The following ZNF804B variants were observed in gnomAD, a reference collection of about 807,000 sequenced individuals.
The protein encoded by ZNF804B is zinc finger protein 804B.
A neutral mutation model predicts 101.4 loss-of-function variants in ZNF804B; 80 were observed. That is an observed-to-expected ratio of 0.79 (90% confidence interval 0.66 to 0.95). The LOEUF (loss-of-function observed/expected upper bound fraction) is 0.95. ZNF804B is among the 40% of genes least tolerant of loss of function. The pLI is 0.00. For missense variants in ZNF804B, 1,673 were observed against 1,561.9 expected (o/e 1.07, Z -1.20); for synonymous variants, 622 against 558.8 (o/e 1.11, Z -1.59).
chr7:88,937,277 G>T (rs1235124247), intron 1 of ZNF804B, among the ~76,000 whole-genome samples: 1 of 152,072 alleles, frequency 6.6e-6, no homozygotes, highest in Non-Finnish European at 1.5e-5. Context: ...CCGGCAACAG[G>T]ACTGTAGGCT....
intron 1 of ZNF804B, among the ~76,000 whole-genome samples, chr7:88,913,431 G>A (rs771737160): frequency 6.6e-6 from 1 of 152,092 alleles, no homozygotes; most frequent in Non-Finnish European, 1.5e-5. Flanking sequence ...TTTTGCTTTT[G>A]TTGCCCAAGC....
intron 2 of ZNF804B, among the ~76,000 whole-genome samples, chr7:89,304,574 A>C (rs1790533107): frequency 6.9e-6 from 1 of 144,458 alleles, no homozygotes; most frequent in Non-Finnish European, 1.6e-5. Flanking sequence ...GACATAAGAA[A>C]ATTTTTGTTA....
At chr7:88,918,088 G>C (rs1792661985) in intron 1 of ZNF804B, among the ~76,000 whole-genome samples, 1 of 152,024 alleles carries the variant, frequency 6.6e-6, no homozygotes, top group South Asian at 2.1e-4. Context: ...ATCTCTCATG[G>C]AAAGATAATG....
chr7:88,989,046 C>T (rs565431099), intron 1 of ZNF804B, among the ~76,000 whole-genome samples: 2 of 151,828 alleles, frequency 1.3e-5, no homozygotes, highest in East Asian at 3.9e-4. Context: ...TTATTTGAGA[C>T]GGAGTCTCAC....
At chr7:88,989,087 A>T (rs189108870) in intron 1 of ZNF804B, among the ~76,000 whole-genome samples, 1 of 151,996 alleles carries the variant, frequency 6.6e-6, no homozygotes, top group African/African-American at 2.4e-5. Context: ...CAGTGGCATG[A>T]TCTCGGCTCA....
At chr7:88,908,748 T>C (rs1792507411) in intron 1 of ZNF804B, among the ~76,000 whole-genome samples, 1 of 151,850 alleles carries the variant, frequency 6.6e-6, no homozygotes. Flanking sequence ...TAAAGATTTA[T>C]TCATCATTCA....
intron 1 of ZNF804B, among the ~76,000 whole-genome samples, chr7:88,948,149 C>T (rs1198939430): frequency 6.6e-6 from 1 of 151,616 alleles, no homozygotes; most frequent in African/African-American, 2.4e-5. Context: ...TGGGGACTTC[C>T]CAGAGACCCC....
chr7:88,932,387 A>C (rs1792900298), intron 1 of ZNF804B, among the ~76,000 whole-genome samples: 1 of 151,972 alleles, frequency 6.6e-6, no homozygotes, highest in Non-Finnish European at 1.5e-5. Flanking sequence ...TAAGAAAAGA[A>C]ATCACAAAGA....
At chr7:88,908,920 A>G (rs1792510252) in intron 1 of ZNF804B, among the ~76,000 whole-genome samples, 1 of 151,828 alleles carries the variant, frequency 6.6e-6, no homozygotes, top group African/African-American at 2.4e-5. Context: ...AAGATAAAGT[A>G]TAAAATTATG....
intron 1 of ZNF804B, among the ~76,000 whole-genome samples, chr7:89,171,353 T>TCCTCC (rs1791228630): frequency 2.1e-5 from 2 of 94,946 alleles, no homozygotes; most frequent in East Asian, 2.9e-4. Flanking sequence ...CTTCTTCTTC[T>TCCTCC]TCTTCCTCCT....
chr7:89,323,137 G>A (rs1790845255), intron 2 of ZNF804B, among the ~76,000 whole-genome samples: 1 of 152,202 alleles, frequency 6.6e-6, no homozygotes, highest in African/African-American at 2.4e-5. Context: ...ACAAAAAGAT[G>A]TCCATCTGCA....
chr7:88,969,288 G>A (rs1341031230), intron 1 of ZNF804B, among the ~76,000 whole-genome samples: 1 of 151,574 alleles, frequency 6.6e-6, no homozygotes, highest in Non-Finnish European at 1.5e-5. Flanking sequence ...TTTTAAAAGT[G>A]AATGACTTGA....
chr7:88,872,062 T>C (rs566094004), intron 1 of ZNF804B, among the ~76,000 whole-genome samples: 14 of 152,336 alleles, frequency 9.2e-5, no homozygotes, highest in African/African-American at 3.4e-4. Flanking sequence ...GTGAACTGTG[T>C]TTTGTATTCA....
chr7:89,274,217 A>G (rs1789942477), intron 2 of ZNF804B, among the ~76,000 whole-genome samples: 1 of 144,288 alleles, frequency 6.9e-6, no homozygotes, highest in African/African-American at 2.6e-5. Flanking sequence ...TGTGCAGGTT[A>G]GTTACATATG....
rs767241659 is a variant in ZNF804B, at chr7:88,759,946, G to A, written c.-31G>A. 6.2e-7 allele frequency: 1 copy of A among 1,600,430 alleles called. No homozygotes were observed. The highest frequency in any genetic ancestry group is 1.7e-5 in the Admixed American group (1 of 59,976). Reference sequence around the variant, plus strand: ...TCCACGGCTGGTCGCCTGGTGAGGAGTTGAGACTCTGCGCCTCCGCCCGGA... The same window carrying A: ...TCCACGGCTGGTCGCCTGGTGAGGAATTGAGACTCTGCGCCTCCGCCCGGA... On this transcript the variant is annotated 5_prime_UTR_variant, in exon 1 of 4. Coordinates refer to ENST00000333190, the MANE Select transcript of ZNF804B (RefSeq NM_181646.5).
At chr7:88,763,942 G>A (rs1189283795) in intron 1 of ZNF804B, among the ~76,000 whole-genome samples, 3 of 152,026 alleles carry the variant, frequency 2.0e-5, no homozygotes, top group Non-Finnish European at 2.9e-5. Context: ...CTGAAAAGTT[G>A]GCTGCTCAAT....
At chr7:89,239,450 C>A (rs2115758665) in intron 2 of ZNF804B, among the ~76,000 whole-genome samples, 1 of 152,232 alleles carries the variant, frequency 6.6e-6, no homozygotes, top group African/African-American at 2.4e-5. Flanking sequence ...GGGTTTTCAG[C>A]CCTTCATATG....
intron 2 of ZNF804B, among the ~76,000 whole-genome samples, chr7:89,277,537 C>A (rs1164790171): frequency 7.7e-6 from 1 of 130,500 alleles, no homozygotes; most frequent in African/African-American, 2.9e-5. Flanking sequence ...GTGTGATGTT[C>A]CCCTTCCTGT....
At chr7:88,960,854 GA>G (rs1484783742) in intron 1 of ZNF804B, among the ~76,000 whole-genome samples, 1 of 151,000 alleles carries the variant, frequency 6.6e-6, no homozygotes, top group Non-Finnish European at 1.5e-5. Flanking sequence ...AATATTTATT[GA>G]AAAAAAGAAA....
Sources: gnomAD v4.1 joint callset for allele counts (sites outside exome capture counted in the v4.1 genomes callset) on GRCh38, gnomAD v4.1.1 for gene constraint, MANE v1.5 for transcripts, NCBI Gene and HGNC (gene_info 2026-07-23, HGNC 2026-07-21) for gene names.